Variants in GRM7 observed in about 807,000 individuals in gnomAD.
The protein encoded by GRM7 is glutamate metabotropic receptor 7.
Under a neutral mutation model 84.5 loss-of-function variants are expected in GRM7, and 35 were observed. The observed-to-expected ratio is 0.41, with a 90% CI of 0.32 to 0.55. GRM7 has a LOEUF of 0.55. GRM7 is among the 20% of genes least tolerant of loss of function. The pLI is 0.19. For missense variants in GRM7, 1,003 were observed against 1,194.6 expected (o/e 0.84, Z 2.36); for synonymous variants, 487 against 455.1 (o/e 1.07, Z -0.89).
chr3:6,961,701 G>T (rs750238655), intron 1 of GRM7, among the ~76,000 whole-genome samples: 1 of 152,010 alleles, frequency 6.6e-6, no homozygotes, highest in Non-Finnish European at 1.5e-5. Flanking sequence ...CAAATCTACT[G>T]GCCCAGCTGC....
intron 1 of GRM7, among the ~76,000 whole-genome samples, chr3:6,970,259 G>T (rs575459764): frequency 1.1e-4 from 16 of 152,132 alleles, no homozygotes; most frequent in African/African-American, 3.6e-4. Context: ...TTAAGTGTCT[G>T]CAGTATAATT....
At chr3:7,194,506 C>A (rs1428868162) in intron 2 of GRM7, among the ~76,000 whole-genome samples, 1 of 152,262 alleles carries the variant, frequency 6.6e-6, no homozygotes, top group East Asian at 1.9e-4. Context: ...ATCCTTGTCT[C>A]CCCCTTATTA....
chr3:7,548,670 G>T (rs1197131854), intron 7 of GRM7, among the ~76,000 whole-genome samples: 1 of 152,124 alleles, frequency 6.6e-6, no homozygotes, highest in Non-Finnish European at 1.5e-5. Context: ...TCTTCCAATT[G>T]TGATCCCCTA....
At position 7,447,793 on chromosome 3, in the gene GRM7, T is replaced by C. The variant is rs185952778; in HGVS notation, c.1175-4814T>C. Among the ~76,000 whole-genome samples the C allele has an allele frequency of 3.2e-3, 480 of 151,910 alleles. 6 individuals are homozygous for C. The highest frequency in any genetic ancestry group is 0.022 in the South Asian group (105 of 4,798). ...CTTTAAGTTTTAGGGTACATGTGCA[T>C]AATGTGCAGGTTAGTTACATATGTA... On this transcript the variant is annotated intron_variant, in intron 5 of 9. Transcript: ENST00000357716.
At chr3:6,952,595 G>T (rs1410737738) in intron 1 of GRM7, among the ~76,000 whole-genome samples, 4 of 152,282 alleles carry the variant, frequency 2.6e-5, no homozygotes, top group Non-Finnish European at 5.9e-5. Flanking sequence ...AATGCGATAA[G>T]CTGGGGCAGT....
At chr3:7,511,697 T>A (rs760700901) in intron 7 of GRM7, among the ~76,000 whole-genome samples, 4 of 152,226 alleles carry the variant, frequency 2.6e-5, no homozygotes, top group Non-Finnish European at 5.9e-5. Context: ...TACCTTTTAA[T>A]AAAGCTGTCC....
At chr3:7,725,638 T>G (rs893770335) in intron 9 of GRM7, among the ~76,000 whole-genome samples, 1 of 152,162 alleles carries the variant, frequency 6.6e-6, no homozygotes, top group African/African-American at 2.4e-5. Flanking sequence ...TACTCCTCTG[T>G]GGGAGGGAAG....
chr3:7,601,032 G>A (rs1696288278), intron 8 of GRM7, among the ~76,000 whole-genome samples: 1 of 152,116 alleles, frequency 6.6e-6, no homozygotes, highest in South Asian at 2.1e-4. Flanking sequence ...CTGCCATGGA[G>A]TCTTTGCACA....
At chr3:7,386,385 T>G (rs895123944) in intron 4 of GRM7, among the ~76,000 whole-genome samples, 2 of 152,186 alleles carry the variant, frequency 1.3e-5, no homozygotes, top group Non-Finnish European at 2.9e-5. Flanking sequence ...GTAGCATGCA[T>G]AGTAGCCAAT....
intron 1 of GRM7, among the ~76,000 whole-genome samples, chr3:7,043,705 G>A (rs1297892680): frequency 6.6e-6 from 1 of 152,132 alleles, no homozygotes; most frequent in Non-Finnish European, 1.5e-5. Flanking sequence ...CACACATAAT[G>A]CACCTGATGT....
chr3:7,617,293 T>C (rs1470970328), intron 8 of GRM7, among the ~76,000 whole-genome samples: 1 of 152,164 alleles, frequency 6.6e-6, no homozygotes, highest in Non-Finnish European at 1.5e-5. Flanking sequence ...TGGTTTATAA[T>C]AAAAGTGTCT....
chr3:7,398,023 T>A (rs569189669), intron 4 of GRM7, among the ~76,000 whole-genome samples: 1 of 152,142 alleles, frequency 6.6e-6, no homozygotes, highest in African/African-American at 2.4e-5. Context: ...CAAAAACTTA[T>A]AATTTTAGTA....
intron 7 of GRM7, among the ~76,000 whole-genome samples, chr3:7,465,259 G>T (rs1019691288): frequency 1.3e-5 from 2 of 152,052 alleles, no homozygotes; most frequent in African/African-American, 4.8e-5. Flanking sequence ...TATTGCATGG[G>T]ACCTAAAAGA....
chr3:7,399,973 T>C (rs1474794764), intron 4 of GRM7, among the ~76,000 whole-genome samples: 2 of 152,292 alleles, frequency 1.3e-5, no homozygotes, highest in East Asian at 3.9e-4. Context: ...CGAAGACAAG[T>C]ACCTACCTCA....
Position 7,437,577 on chromosome 3 carries a change from A to G in GRM7, c.1175-15030A>G, listed in dbSNP as rs748698692. Among the ~76,000 whole-genome samples, 136 of 152,066 alleles carry G rather than the reference A, an allele frequency of 8.9e-4. 1 individual carries two copies. The highest frequency in any genetic ancestry group is 4.7e-4 in the Non-Finnish European group (32 of 68,018). On this transcript the variant is annotated intron_variant, in intron 5 of 9. Coordinates refer to ENST00000357716, the MANE Select transcript of GRM7 (RefSeq NM_000844.4). ...AAATTTATGGTCTTCTTCATTTCTTAACTCATAATGTTTATTGTCTCTATT... is the reference window on the plus strand; with the variant it reads ...AAATTTATGGTCTTCTTCATTTCTTGACTCATAATGTTTATTGTCTCTATT...
At chr3:6,891,003 T>C (rs1695915807) in intron 1 of GRM7, among the ~76,000 whole-genome samples, 1 of 152,162 alleles carries the variant, frequency 6.6e-6, no homozygotes, top group South Asian at 2.1e-4. Flanking sequence ...TCTTTGTGTC[T>C]TTTGATCTTT....
chr3:7,598,476 T>C (rs1696154446), intron 8 of GRM7, among the ~76,000 whole-genome samples: 1 of 152,186 alleles, frequency 6.6e-6, no homozygotes, highest in South Asian at 2.1e-4. Context: ...CCAGCAAAGA[T>C]ACAATGACTG....
In GRM7 at chr3:7,382,241, G is replaced by C. The variant is rs141905003; in HGVS notation, c.1034-32782G>C. On this transcript the variant is annotated intron_variant, in intron 4 of 9. Transcript: ENST00000357716. The stretch of plus-strand genomic sequence containing the variant: ...GTACCAAGTTGATGATAATTATCAG[G>C]TAATCTTATGAGCTTTGATTGCCTT... Among the ~76,000 whole-genome samples the C allele has an allele frequency of 7.4e-3, 1,130 of 152,184 alleles. 13 individuals carry two copies. Among genetic ancestry groups the C allele is most frequent in the Middle Eastern group, 0.027 (8 of 294 alleles).
intron 4 of GRM7, among the ~76,000 whole-genome samples, chr3:7,342,486 T>G (rs1001742910): frequency 1.1e-4 from 17 of 152,256 alleles, no homozygotes; most frequent in African/African-American, 4.1e-4. Context: ...TCAACACAAT[T>G]TTTACCATCA....
Sources: allele counts gnomAD v4.1 joint callset (sites outside exome capture counted in the v4.1 genomes callset), GRCh38; gene constraint gnomAD v4.1.1; transcripts MANE v1.5; gene names NCBI Gene and HGNC (gene_info 2026-07-23, HGNC 2026-07-21).